Variants in AP3B2 observed in about 807,000 individuals in gnomAD.
AP3B2 encodes AP-3 complex subunit beta-2.
AP3B2 carries 50 observed loss-of-function variants against 126.9 expected under a neutral mutation model. The ratio of observed to expected loss-of-function variants is 0.39; its 90% confidence interval spans 0.31 to 0.50. AP3B2 has a LOEUF of 0.50. Among genes scored for constraint, AP3B2 ranks in the 20% least tolerant of loss-of-function variants. The pLI, the probability that AP3B2 is intolerant of heterozygous loss-of-function variation, is 0.79. For synonymous variants in AP3B2, 541 were observed against 565.0 expected, an observed-to-expected ratio of 0.96 and a Z score of 0.60; for missense variants, 1,177 against 1,426.4, an observed-to-expected ratio of 0.83 and a Z score of 2.82.
In AP3B2 at chr15:82,680,330, A is replaced by G; in HGVS notation, c.1056-101T>C. ...GGCAAGTCGTTGCGGGGAGAGGACCAGTGCGGAGGGCAGGACTACGGTCAG... is the reference window on the plus strand; with the variant it reads ...GGCAAGTCGTTGCGGGGAGAGGACCGGTGCGGAGGGCAGGACTACGGTCAG... On this transcript the variant is annotated intron_variant, in intron 8 of 26. Transcript: ENST00000535359. This position sits in a 1 kb window ranked among gnomAD's most constrained non-coding sequence, Gnocchi z 6.1. 1.3e-6 allele frequency: 2 copies of G among 1,558,796 alleles called. No homozygotes were observed. The highest frequency in any genetic ancestry group is 2.3e-5 in the East Asian group (1 of 43,682).
chr15:82,680,556 A>G lies in AP3B2; in HGVS notation c.971T>C (p.Val324Ala), dbSNP rs1249282577. ...CGCCAGGTGGAAGTAGAGCTGCGCC[A>G]CCGCCATCACCACCGCGGCGCTGCG... Reference protein sequence around the residue: ...QSRSAAVVMAVAQLYFHLAPK... With the variant: ...QSRSAAVVMAAAQLYFHLAPK... Residue 324 changes from valine (V) to alanine (A), a missense_variant, in exon 8 of 27, where the codon GTG (valine) becomes GCG (alanine). Val to Ala is a moderately conservative substitution (Grantham distance 64). Transcript: ENST00000535359. The surrounding 1 kb of genome is among the most constrained non-coding windows in gnomAD (Gnocchi z 6.1). 6.4e-7 allele frequency: 1 copy of G among 1,573,652 alleles called. No individual in the cohort carries two copies. Among genetic ancestry groups the G allele is most frequent in the Non-Finnish European group, 8.6e-7 (1 of 1,167,290 alleles).
At chr15:82,660,493 C>G (rs1164574528) in intron 25 of AP3B2, among the ~76,000 whole-genome samples, 1 of 152,186 alleles carries the variant, frequency 6.6e-6, no homozygotes, top group Non-Finnish European at 1.5e-5. Context: ...TCTGCAGTAG[C>G]AGCTCCAGAC....
At position 82,664,885 on chromosome 15, in the gene AP3B2, A is replaced by G; in HGVS notation, c.2087T>C (p.Phe696Ser). The G allele has an allele frequency of 6.2e-7, 1 of 1,607,238 alleles. No homozygotes were observed. Among genetic ancestry groups the G allele is most frequent in the Non-Finnish European group, 8.5e-7 (1 of 1,176,928 alleles). The change falls in exon 18 of 27, where the codon TTC (phenylalanine) becomes TCC (serine). Residue 696 changes from phenylalanine to serine, a missense_variant. Transcript: ENST00000535359. The surrounding 1 kb of genome is among the most constrained non-coding windows in gnomAD (Gnocchi z 4.5). Reference protein sequence around the residue: ...REKRKEKEKPFYSDSEGESGP... With the variant: ...REKRKEKEKPSYSDSEGESGP... ...TGACTCCCCCTCAGAGTCCGAGTAGAAGGGTTTTTCCTTCTCCTTTCTCTT... is the reference window on the plus strand; with the variant it reads ...TGACTCCCCCTCAGAGTCCGAGTAGGAGGGTTTTTCCTTCTCCTTTCTCTT...
At chr15:82,672,516 A>C (rs971188312) in intron 14 of AP3B2, among the ~76,000 whole-genome samples, 3 of 152,168 alleles carry the variant, frequency 2.0e-5, no homozygotes, top group African/African-American at 7.2e-5. Flanking sequence ...AATTATAGTT[A>C]GATAGAATGT....
At chr15:82,670,114 G>GGA (rs1567259982) in intron 14 of AP3B2, among the ~76,000 whole-genome samples, 3 of 90,856 alleles carry the variant, frequency 3.3e-5, no homozygotes, top group Non-Finnish European at 7.5e-5. Context: ...TTTTTTTTTG[G>GGA]CGGGGGGGGA....
At chr15:82,700,411 T>TTTTTTTTTTTTTTTTTTTTTTTTTGTG (rs2048701340) in intron 1 of AP3B2, among the ~76,000 whole-genome samples, 1 of 127,728 alleles carries the variant, frequency 7.8e-6, no homozygotes, top group African/African-American at 2.9e-5. Flanking sequence ...TTTTTTTTTT[T>TTTTTTTTTTTTTTTTTTTTTTTTTGTG]TTTTCAGATG....
Position 82,694,796 on chromosome 15 carries a change from G to C in AP3B2, c.114-5343C>G, listed in dbSNP as rs796871079. Among the ~76,000 whole-genome samples, 8 of 152,158 alleles carry C rather than the reference G, an allele frequency of 5.3e-5. 1 individual carries two copies. The highest frequency in any genetic ancestry group is 1.9e-4 in the African/African-American group (8 of 41,524). On this transcript the variant is annotated intron_variant, in intron 1 of 26. Transcript: ENST00000535359. ...TGAGATTAAAGTGTCAGCAGGGTTG[G>C]TTTCTTCTATAGCCTCTTTCTTTGG...
At chr15:82,678,267 A>T in intron 10 of AP3B2, 100 bp from the exon 11 acceptor site, 1 of 1,134,668 alleles carries the variant, frequency 8.8e-7, no homozygotes, top group Non-Finnish European at 1.3e-6. Flanking sequence ...AACAATCCTC[A>T]TGACAGCCCT....
chr15:82,676,390 G>A, intron 14 of AP3B2, 71 bp downstream of exon 14: 1 of 1,512,168 alleles, frequency 6.6e-7, no homozygotes, highest in Non-Finnish European at 9.0e-7. Flanking sequence ...TGCCTAGGGA[G>A]GGCCAAAAGA....
chr15:82,690,122 A>G (rs1164593317), intron 1 of AP3B2, among the ~76,000 whole-genome samples: 2 of 152,084 alleles, frequency 1.3e-5, no homozygotes, highest in African/African-American at 4.8e-5. Flanking sequence ...GGATTTCCCT[A>G]TGGGTTTCAG....
At chr15:82,704,039 A>C (rs1422534241) in intron 1 of AP3B2, among the ~76,000 whole-genome samples, 1 of 152,064 alleles carries the variant, frequency 6.6e-6, no homozygotes, top group Non-Finnish European at 1.5e-5. Context: ...CTGCCCAACA[A>C]TTTCCTCTTA....
At chr15:82,687,429 G>A (rs1431041683) in intron 4 of AP3B2, 1 of 152,204 alleles carries the variant, frequency 6.6e-6, no homozygotes, top group East Asian at 1.9e-4. Flanking sequence ...GGGGGACAGG[G>A]TCAGTTGGTA....
At position 82,680,235 on chromosome 15, in the gene AP3B2, G is replaced by C. The variant is rs757256314; in HGVS notation, c.1056-6C>G. ...GCACAACGTACTGCACCTCACTGCG[G>C]AGAGGACGGGTCAGAGCACCCCGGG... is the stretch of plus-strand genomic sequence containing the variant. On this transcript the variant is annotated splice_polypyrimidine_tract_variant and splice_region_variant and intron_variant, in intron 8 of 26. Coordinates refer to ENST00000535359, the MANE Select transcript of AP3B2 (RefSeq NM_001278512.2). The surrounding 1 kb of genome is among the most constrained non-coding windows in gnomAD (Gnocchi z 6.1). The C allele has an allele frequency of 6.2e-7, 1 of 1,613,490 alleles. No individual in the cohort carries two copies.
chr15:82,662,627 A>G (rs2047971991), intron 23 of AP3B2, 67 bp downstream of exon 23: 3 of 1,454,978 alleles, frequency 2.1e-6, no homozygotes, highest in Middle Eastern at 1.7e-4. Flanking sequence ...GGAGGGTATC[A>G]GCAACCACAG....
intron 1 of AP3B2, among the ~76,000 whole-genome samples, chr15:82,706,411 C>T (rs907715311): frequency 6.6e-6 from 1 of 152,166 alleles, no homozygotes; most frequent in African/African-American, 2.4e-5. Context: ...CAAGGGTCCT[C>T]CATCATTAAT....
At chr15:82,698,035 T>A (rs2048656860) in intron 1 of AP3B2, 1 of 152,160 alleles carries the variant, frequency 6.6e-6, no homozygotes, top group African/African-American at 2.4e-5. Context: ...TGCACAACAC[T>A]CCACGTCAGG....
At chr15:82,706,048 C>T (rs1035932961) in intron 1 of AP3B2, among the ~76,000 whole-genome samples, 1 of 152,178 alleles carries the variant, frequency 6.6e-6, no homozygotes, top group Non-Finnish European at 1.5e-5. Flanking sequence ...GGGACCACGC[C>T]CTGTAGCCTT....
At chr15:82,699,538 A>T (rs1257957738) in intron 1 of AP3B2, 3 of 398,730 alleles carry the variant, frequency 7.5e-6, no homozygotes, top group Non-Finnish European at 1.3e-5. Context: ...CCATCAGAGG[A>T]GGTGGGACCG....
intron 1 of AP3B2, among the ~76,000 whole-genome samples, chr15:82,696,821 G>C (rs1266245905): frequency 1.3e-5 from 2 of 152,196 alleles, no homozygotes; most frequent in East Asian, 1.9e-4. Flanking sequence ...GAAGTGATCA[G>C]AGAATTGTTA....
Sources: gnomAD v4.1 joint callset for allele counts (sites outside exome capture counted in the v4.1 genomes callset) on GRCh38, gnomAD v4.1.1 for gene constraint, Gnocchi (gnomAD v3.1) non-coding constraint, MANE v1.5 for transcripts, NCBI Gene and HGNC (gene_info 2026-07-23, HGNC 2026-07-21) for gene names.